Variants in ATP8A2 observed in about 807,000 individuals in gnomAD.
ATP8A2 encodes ATPase phospholipid transporting 8A2.
Under a neutral mutation model 165.6 loss-of-function variants are expected in ATP8A2, and 100 were observed. The observed-to-expected ratio is 0.60, with a 90% CI of 0.51 to 0.71. The LOEUF (loss-of-function observed/expected upper bound fraction) is 0.71, where lower values mean the gene tolerates loss of function less well. Among genes scored for constraint, ATP8A2 ranks in the 30% least tolerant of loss-of-function variants. The pLI is 0.00. For synonymous variants in ATP8A2, 543 were observed against 548.8 expected (o/e 0.99, Z 0.15); for missense variants, 1,227 against 1,479.5 (o/e 0.83, Z 2.80).
chr13:25,980,573 G>C (rs1249993947), intron 35 of ATP8A2, among the ~76,000 whole-genome samples: 1 of 152,148 alleles, frequency 6.6e-6, no homozygotes, highest in Non-Finnish European at 1.5e-5. Flanking sequence ...CAGGGTCCTA[G>C]GGCATTGGAT....
chr13:25,766,666 G>C (rs2044497092), intron 25 of ATP8A2, among the ~76,000 whole-genome samples: 1 of 152,180 alleles, frequency 6.6e-6, no homozygotes, highest in African/African-American at 2.4e-5. Flanking sequence ...CTTCCAGCTA[G>C]TATTTTGCAC....
At chr13:25,725,101 G>A (rs1446640711) in intron 25 of ATP8A2, among the ~76,000 whole-genome samples, 1 of 152,182 alleles carries the variant, frequency 6.6e-6, no homozygotes, top group Non-Finnish European at 1.5e-5. Context: ...GATAAATGCT[G>A]GGTTCTCCAT....
intron 28 of ATP8A2, among the ~76,000 whole-genome samples, chr13:25,829,668 G>GTATGTATGTATATATA (rs1951406164): frequency 4.7e-5 from 3 of 63,394 alleles, no homozygotes; most frequent in African/African-American, 1.9e-4. Context: ...GACAGGTGTG[G>GTATGTATGTATATATA]TATATATATA....
chr13:26,020,102 C>T lies in ATP8A2; in HGVS notation c.*117C>T. ...AGCCAAAACACCAGGAAACACATTT[C>T]TGTGGCCTTAGCCAAGCAGTTTGTT... On this transcript the variant is annotated 3_prime_UTR_variant, in exon 37 of 37. Coordinates refer to ENST00000381655, the MANE Select transcript of ATP8A2 (RefSeq NM_016529.6). The T allele has an allele frequency of 1.3e-6, 1 of 750,044 alleles. No homozygotes were observed. Among genetic ancestry groups the T allele is most frequent in the Non-Finnish European group, 2.2e-6 (1 of 444,668 alleles). 46.5% of individuals were successfully genotyped at this position (750,044 alleles called of 1,614,324 possible).
chr13:25,652,312 C>A (rs1397509221), intron 24 of ATP8A2, among the ~76,000 whole-genome samples: 2 of 151,974 alleles, frequency 1.3e-5, no homozygotes, highest in Non-Finnish European at 2.9e-5. Flanking sequence ...AAGCTTTTTC[C>A]TTATTACTGG....
chr13:25,972,961 A>T (rs1955948059), intron 35 of ATP8A2, among the ~76,000 whole-genome samples: 1 of 152,218 alleles, frequency 6.6e-6, no homozygotes, highest in Non-Finnish European at 1.5e-5. Flanking sequence ...TGTTGAAAAC[A>T]TCTAGTTTTT....
In ATP8A2 at chr13:26,020,094, A is replaced by T. The variant is rs1486322852; in HGVS notation, c.*109A>T. 1 of 793,748 alleles carries T rather than the reference A, an allele frequency of 1.3e-6. No individual in the cohort carries two copies. The highest frequency in any genetic ancestry group is 2.1e-6 in the Non-Finnish European group (1 of 478,916). The allele number at this position is 793,748 out of a possible 1,614,324, so 49.2% of individuals were successfully genotyped here. ...GCGTCAGCAGCCAAAACACCAGGAA[A>T]CACATTTCTGTGGCCTTAGCCAAGC... On this transcript the variant is annotated 3_prime_UTR_variant, in exon 37 of 37. Transcript: ENST00000381655.
intron 25 of ATP8A2, among the ~76,000 whole-genome samples, chr13:25,712,223 G>T (rs1240295431): frequency 1.3e-5 from 2 of 152,082 alleles, no homozygotes; most frequent in Non-Finnish European, 2.9e-5. Flanking sequence ...TTGACTTTTG[G>T]CTTAATGGGT....
chr13:26,012,867 T>A (rs1956879326), intron 36 of ATP8A2, among the ~76,000 whole-genome samples: 1 of 152,142 alleles, frequency 6.6e-6, no homozygotes, highest in African/African-American at 2.4e-5. Context: ...GTGGTTATGA[T>A]CCTTCCGTCA....
At chr13:25,990,971 C>T (rs1201439953) in intron 35 of ATP8A2, among the ~76,000 whole-genome samples, 3 of 152,108 alleles carry the variant, frequency 2.0e-5, no homozygotes, top group Non-Finnish European at 4.4e-5. Flanking sequence ...GACAGGACCA[C>T]GGAGCTCAGC....
At chr13:25,720,723 C>A (rs1410340345) in intron 25 of ATP8A2, among the ~76,000 whole-genome samples, 3 of 152,192 alleles carry the variant, frequency 2.0e-5, no homozygotes, top group Non-Finnish European at 2.9e-5. Context: ...TCCCCTTTAA[C>A]CATTCTCCAG....
In ATP8A2 at chr13:25,793,363, C is replaced by T. The variant is rs217874; in HGVS notation, c.2679+18404C>T. On this transcript the variant is annotated intron_variant, in intron 27 of 36. Coordinates refer to ENST00000381655, the MANE Select transcript of ATP8A2 (RefSeq NM_016529.6). ...GTACTACATAGACTTTATATTAAGT[C>T]GGGTCACCCCAAATATTTTATGAAA... Among the ~76,000 whole-genome samples, 715 of 152,210 alleles carry T rather than the reference C, an allele frequency of 4.7e-3. 5 individuals are homozygous for T. The highest frequency in any genetic ancestry group is 0.016 in the African/African-American group (681 of 41,538).
chr13:25,448,057 A>G (rs2035116718), intron 1 of ATP8A2, among the ~76,000 whole-genome samples: 2 of 152,146 alleles, frequency 1.3e-5, no homozygotes, highest in African/African-American at 4.8e-5. Flanking sequence ...GTGTGCCAAA[A>G]GGTGACATTT....
chr13:25,982,605 T>G lies in ATP8A2; in HGVS notation c.3377+13926T>G, dbSNP rs78132385. Among the ~76,000 whole-genome samples the G allele has an allele frequency of 8.5e-5, 13 of 152,380 alleles. No homozygotes were observed. The East Asian group carries it at 2.5e-3, about 29-fold the overall frequency. Reference sequence around the variant, plus strand: ...CACACATTTCTGCTCCATTTTGGCCTCTGCTTCTTGGACCCATAAACTATG... The same window carrying G: ...CACACATTTCTGCTCCATTTTGGCCGCTGCTTCTTGGACCCATAAACTATG... On this transcript the variant is annotated intron_variant, in intron 35 of 36. Coordinates refer to ENST00000381655, the MANE Select transcript of ATP8A2 (RefSeq NM_016529.6).
intron 28 of ATP8A2, among the ~76,000 whole-genome samples, chr13:25,833,330 G>A (rs1278931933): frequency 6.6e-6 from 1 of 151,912 alleles, no homozygotes; most frequent in East Asian, 1.9e-4. Flanking sequence ...TGAATGTTTT[G>A]GGAGGAAAGG....
At chr13:25,534,723 C>T (rs2038221112) in intron 6 of ATP8A2, among the ~76,000 whole-genome samples, 1 of 152,204 alleles carries the variant, frequency 6.6e-6, no homozygotes, top group South Asian at 2.1e-4. Flanking sequence ...GAGCTCCTGG[C>T]ATGTGCCAGA....
At chr13:25,683,306 T>TCAC (rs1367157667) in intron 24 of ATP8A2, among the ~76,000 whole-genome samples, 2 of 152,182 alleles carry the variant, frequency 1.3e-5, no homozygotes, top group Non-Finnish European at 2.9e-5. Flanking sequence ...AGTTCCTACA[T>TCAC]CACCACTGTC....
chr13:25,512,265 C>T (rs899201763), intron 2 of ATP8A2, among the ~76,000 whole-genome samples: 3 of 152,186 alleles, frequency 2.0e-5, no homozygotes, highest in Non-Finnish European at 4.4e-5. Context: ...AACAAAAAGT[C>T]TCCCATGTCT....
chr13:25,907,237 G>A (rs188330807), intron 33 of ATP8A2, among the ~76,000 whole-genome samples: 88 of 151,852 alleles, frequency 5.8e-4, no homozygotes, highest in Non-Finnish European at 1.0e-3. Flanking sequence ...GCGACAGAGC[G>A]AGACTCCATG....
Sources: allele counts gnomAD v4.1 joint callset (sites outside exome capture counted in the v4.1 genomes callset), GRCh38; gene constraint gnomAD v4.1.1; transcripts MANE v1.5; gene names NCBI Gene and HGNC (gene_info 2026-07-23, HGNC 2026-07-21).